The following STOML3 variants were observed in gnomAD, a reference collection of about 807,000 sequenced individuals.
STOML3 encodes the protein stomatin-like protein 3.
STOML3 carries 31 observed loss-of-function variants against 29.5 expected under a neutral mutation model. The ratio of observed to expected loss-of-function variants is 1.05; its 90% CI spans 0.79 to 1.42. The LOEUF (loss-of-function observed/expected upper bound fraction) is 1.42, where lower values mean the gene tolerates loss of function less well. STOML3 is among the 40% of genes most tolerant of loss of function. The pLI is 0.00. For missense variants in STOML3, 380 were observed against 363.0 expected, an observed-to-expected ratio of 1.05 and a Z score of -0.38; for synonymous variants, 122 against 139.8, an observed-to-expected ratio of 0.87 and a Z score of 0.90.
Position 38,966,794 on chromosome 13 carries a change from C to G in STOML3, c.*31G>C. On this transcript the variant is annotated 3_prime_UTR_variant, in exon 7 of 7. Transcript: ENST00000379631. ...TCTCCATAGGAATAGACACCACTCTCTATGCAATAGCTGACTACCGCAAGA... is the reference window on the plus strand; with the variant it reads ...TCTCCATAGGAATAGACACCACTCTGTATGCAATAGCTGACTACCGCAAGA... 1 of 1,580,166 alleles carries G rather than the reference C, an allele frequency of 6.3e-7. No homozygotes were observed. The highest frequency in any genetic ancestry group is 8.7e-7 in the Non-Finnish European group (1 of 1,151,398).
intron 1 of STOML3, among the ~76,000 whole-genome samples, chr13:38,983,193 A>G (rs544329401): frequency 5.3e-5 from 8 of 152,266 alleles, no homozygotes; most frequent in African/African-American, 1.9e-4. Context: ...CGTCATAAAG[A>G]TATACAAAAT....
intron 4 of STOML3, among the ~76,000 whole-genome samples, chr13:38,971,727 C>A (rs1468664164): frequency 6.6e-6 from 1 of 152,102 alleles, no homozygotes; most frequent in East Asian, 1.9e-4. Context: ...GTTCGAGAGA[C>A]CAGTCTGGCC....
chr13:38,988,263 CATATATTATATATAAA>C (rs1475411215), intron 1 of STOML3, among the ~76,000 whole-genome samples: 2 of 68,912 alleles, frequency 2.9e-5, no homozygotes, highest in Admixed American at 2.6e-4. Flanking sequence ...TATTTTATAT[CATATATTATATATAAA>C]ATATATTATA....
chr13:38,982,956 C>G (rs1421005570), intron 1 of STOML3, among the ~76,000 whole-genome samples: 1 of 152,110 alleles, frequency 6.6e-6, no homozygotes, highest in East Asian at 1.9e-4. Flanking sequence ...CTGAATTTTC[C>G]CCTATCTGTC....
intron 1 of STOML3, among the ~76,000 whole-genome samples, chr13:38,977,904 C>T (rs1241672992): frequency 1.3e-5 from 2 of 151,616 alleles, no homozygotes; most frequent in Non-Finnish European, 2.9e-5. Flanking sequence ...GGACTACAGG[C>T]TCCCGCCACC....
chr13:38,983,928 A>C (rs1171835551), intron 1 of STOML3, among the ~76,000 whole-genome samples: 1 of 152,208 alleles, frequency 6.6e-6, no homozygotes, highest in African/African-American at 2.4e-5. Flanking sequence ...AATGCATTGA[A>C]TACCTTAAAC....
At chr13:38,988,002 A>G (rs1482578279) in intron 1 of STOML3, among the ~76,000 whole-genome samples, 1 of 106,734 alleles carries the variant, frequency 9.4e-6, no homozygotes, top group African/African-American at 3.5e-5. Context: ...TATATTTTAT[A>G]TCATATATTT....
intron 1 of STOML3, 92 bp from the exon 2 acceptor site, chr13:38,976,889 G>A (rs1593502491): frequency 5.5e-6 from 6 of 1,086,998 alleles, no homozygotes; most frequent in South Asian, 5.4e-5. Flanking sequence ...CAGACAGCTG[G>A]CCAAGCCTGA....
At chr13:38,983,632 A>G (rs1254046858) in intron 1 of STOML3, among the ~76,000 whole-genome samples, 1 of 152,232 alleles carries the variant, frequency 6.6e-6, no homozygotes, top group Non-Finnish European at 1.5e-5. Context: ...AGAAAAATAT[A>G]GAAATATCAG....
intron 1 of STOML3, among the ~76,000 whole-genome samples, chr13:38,988,411 A>G (rs1362086734): frequency 1.6e-4 from 15 of 91,690 alleles, no homozygotes; most frequent in Non-Finnish European, 2.6e-4. Context: ...AAAATATATG[A>G]TATTTTATAT....
In STOML3 at chr13:38,990,771, C is replaced by T; in HGVS notation, c.-50G>A. On this transcript the variant is annotated 5_prime_UTR_variant, in exon 1 of 7. Transcript: ENST00000379631. ...TTGGCAATTTTTCATGGGTTTGGAG[C>T]TAAGTGTGAAGAACAGGCAGCAACT... 6.3e-7 allele frequency: 1 copy of T among 1,588,100 alleles called. No individual in the cohort carries two copies. The highest frequency in any genetic ancestry group is 8.6e-7 in the Non-Finnish European group (1 of 1,158,172).
chr13:38,978,053 C>T lies in STOML3; in HGVS notation c.53-1256G>A, dbSNP rs1451194755. ...GGGATTACAGGCGTGAGCCACCGCG[C>T]CCGGCCAGGGATCCTTGTTTGTAAA... On this transcript the variant is annotated intron_variant, in intron 1 of 6. Coordinates refer to ENST00000379631, the MANE Select transcript of STOML3 (RefSeq NM_145286.3). Among the ~76,000 whole-genome samples the T allele has an allele frequency of 2.6e-5, 4 of 152,100 alleles. No homozygotes were observed. The South Asian group carries it at 6.2e-4, about 24-fold the overall frequency.
Position 38,970,433 on chromosome 13 carries a change from C to A in STOML3, c.313-45G>T, listed in dbSNP as rs1447885234. ...CAAAATCACTTATTTATGACTTTCACCACTACTGACAAAGTGACAGCCAGC... is the reference window on the plus strand; with the variant it reads ...CAAAATCACTTATTTATGACTTTCAACACTACTGACAAAGTGACAGCCAGC... On this transcript the variant is annotated intron_variant, in intron 4 of 6. Coordinates refer to ENST00000379631, the MANE Select transcript of STOML3 (RefSeq NM_145286.3). 8 of 1,536,488 alleles carry A rather than the reference C, an allele frequency of 5.2e-6. No homozygotes were observed. In the South Asian group the frequency reaches 7.9e-5, roughly 15 times the overall value.
intron 1 of STOML3, chr13:38,980,145 A>G: frequency 6.4e-7 from 1 of 1,550,612 alleles, no homozygotes; most frequent in Non-Finnish European, 8.7e-7. Flanking sequence ...GCTGAGAGAG[A>G]CAAGAGAAGA....
intron 1 of STOML3, among the ~76,000 whole-genome samples, chr13:38,987,858 A>G (rs1322494082): frequency 2.3e-5 from 2 of 85,226 alleles, no homozygotes; most frequent in Admixed American, 1.8e-4. Flanking sequence ...AATATATTAT[A>G]TGTTATATAT....
rs931294476 is a variant in STOML3 at position 38,972,603 on chromosome 13, G to GA, written c.230-10dup. 19 of 1,611,972 alleles carry GA rather than the reference G, an allele frequency of 1.2e-5. No individual in the cohort carries two copies. Among genetic ancestry groups the GA allele is most frequent in the African/African-American group, 5.4e-5 (4 of 74,744 alleles). On this transcript the variant is annotated splice_polypyrimidine_tract_variant and intron_variant, in intron 3 of 6. Transcript: ENST00000379631. ...CAGGACCAGGATCAAACCTATGAGA[G>GA]AAAAAATCAGTTTAAAATGTTGCTC...
At chr13:38,986,218 A>G (rs951980786) in intron 1 of STOML3, among the ~76,000 whole-genome samples, 1 of 151,778 alleles carries the variant, frequency 6.6e-6, no homozygotes, top group Non-Finnish European at 1.5e-5. Context: ...TATTTTTGGT[A>G]GAAACAAGGT....
chr13:38,967,183 C>G, intron 6 of STOML3, 134 bp from the exon 7 acceptor site: 1 of 758,924 alleles, frequency 1.3e-6, no homozygotes, highest in Non-Finnish European at 2.1e-6. Context: ...ACTTCTTTGG[C>G]GAGGATAAGT....
Position 38,990,729 on chromosome 13 carries a change from T to G in STOML3, c.-8A>C, listed in dbSNP as rs762640837. On this transcript the variant is annotated 5_prime_UTR_variant, in exon 1 of 7. Coordinates refer to ENST00000379631, the MANE Select transcript of STOML3 (RefSeq NM_145286.3). ...AGACACCCTAGAATCCATCTCATTC[T>G]TGAGAAGCTTTTATACTTGGCAATT... 1.2e-6 allele frequency: 2 copies of G among 1,613,828 alleles called. No individual in the cohort carries two copies. The highest frequency in any genetic ancestry group is 2.2e-5 in the South Asian group (2 of 91,038).
Sources: gnomAD v4.1 joint callset for allele counts (sites outside exome capture counted in the v4.1 genomes callset) on GRCh38, gnomAD v4.1.1 for gene constraint, MANE v1.5 for transcripts, NCBI Gene and HGNC (gene_info 2026-07-23, HGNC 2026-07-21) for gene names.